The following ABTB2 variants were observed in gnomAD, a reference collection of about 807,000 sequenced individuals.
ABTB2 encodes ankyrin repeat and BTB domain containing 2.
Under a neutral mutation model 104.1 loss-of-function variants are expected in ABTB2, and 56 were observed. The ratio of observed to expected loss-of-function variants is 0.54; its 90% CI spans 0.43 to 0.67. The LOEUF is 0.67. ABTB2 is among the 30% of genes least tolerant of loss of function. ABTB2 has a pLI of 0.00. For missense variants in ABTB2, 1,279 were observed against 1,407.7 expected (o/e 0.91, Z 1.46); for synonymous variants, 606 against 608.2 (o/e 1.00, Z 0.05).
intron 1 of ABTB2, among the ~76,000 whole-genome samples, chr11:34,346,081 G>A (rs1055374808): frequency 4.6e-5 from 7 of 152,038 alleles, no homozygotes; most frequent in South Asian, 2.1e-4. Context: ...TCCATGTCTC[G>A]GCCTTCAGCA....
intron 1 of ABTB2, among the ~76,000 whole-genome samples, chr11:34,313,949 G>C (rs1854891598): frequency 6.6e-6 from 1 of 152,170 alleles, no homozygotes; most frequent in Admixed American, 6.5e-5. Flanking sequence ...TTCAAGGTGG[G>C]GCAGGTTGGA....
intron 4 of ABTB2, among the ~76,000 whole-genome samples, chr11:34,172,876 A>G (rs1249948350): frequency 1.3e-5 from 2 of 152,232 alleles, no homozygotes; most frequent in African/African-American, 4.8e-5. Context: ...CCAAAGAGTT[A>G]GATGTGTGGG....
At chr11:34,182,336 T>A (rs578157947) in intron 3 of ABTB2, among the ~76,000 whole-genome samples, 60 of 152,296 alleles carry the variant, frequency 3.9e-4, no homozygotes, top group Non-Finnish European at 5.9e-4. Flanking sequence ...ACCAGAATGG[T>A]TTGGCATGGC....
chr11:34,327,213 G>C (rs1855079696), intron 1 of ABTB2, among the ~76,000 whole-genome samples: 1 of 152,222 alleles, frequency 6.6e-6, no homozygotes, highest in African/African-American at 2.4e-5. Flanking sequence ...TAAATGTATG[G>C]AAAAACATTA....
At position 34,186,265 on chromosome 11, in the gene ABTB2, G is replaced by C. The variant is rs1447564018; in HGVS notation, c.1244+11060C>G. 2.6e-5 allele frequency among the ~76,000 whole-genome samples: 4 copies of C among 152,232 alleles called. No homozygotes were observed. The East Asian group carries it at 5.8e-4, about 22-fold the overall frequency. On this transcript the variant is annotated intron_variant, in intron 3 of 16. Coordinates refer to ENST00000435224, the MANE Select transcript of ABTB2 (RefSeq NM_145804.3). Reference sequence around the variant, plus strand: ...CCACAAATATTAAAGCAGTCAAAGCGGGGAGGGGCAAGTCACAGACAGCTG... The same window carrying C: ...CCACAAATATTAAAGCAGTCAAAGCCGGGAGGGGCAAGTCACAGACAGCTG...
At chr11:34,221,799 G>A (rs1395826514) in intron 1 of ABTB2, among the ~76,000 whole-genome samples, 1 of 152,236 alleles carries the variant, frequency 6.6e-6, no homozygotes, top group Non-Finnish European at 1.5e-5. Flanking sequence ...AGCACTTTGG[G>A]AGGCCAAGGC....
At chr11:34,214,547 TTTTTTTTTTA>T (rs997154768) in intron 1 of ABTB2, among the ~76,000 whole-genome samples, 2 of 135,256 alleles carry the variant, frequency 1.5e-5, no homozygotes, top group African/African-American at 6.3e-5. Flanking sequence ...TTTTTTTTTT[TTTTTTTTTTA>T]AAGTCAGGTT....
chr11:34,262,832 C>T (rs190608195), intron 1 of ABTB2, among the ~76,000 whole-genome samples: 199 of 152,288 alleles, frequency 1.3e-3, no homozygotes, highest in Admixed American at 1.8e-3. Context: ...CACCTGCAAA[C>T]CCTCAGGTGC....
At chr11:34,158,897 G>A (rs1852669175) in intron 14 of ABTB2, among the ~76,000 whole-genome samples, 2 of 152,228 alleles carry the variant, frequency 1.3e-5, no homozygotes, top group South Asian at 2.1e-4. Context: ...CACCTGGGGA[G>A]CTTGTGAAGA....
intron 1 of ABTB2, among the ~76,000 whole-genome samples, chr11:34,345,583 C>T (rs1855321390): frequency 6.6e-6 from 1 of 151,110 alleles, no homozygotes; most frequent in African/African-American, 2.4e-5. Context: ...TGGTAGAAAA[C>T]ACTACTTAGA....
Position 34,314,614 on chromosome 11 carries a change from G to A in ABTB2, c.883+42087C>T, listed in dbSNP as rs566555596. Among the ~76,000 whole-genome samples, 503 of 152,250 alleles carry A rather than the reference G, an allele frequency of 3.3e-3. 1 individual carries two copies. Among genetic ancestry groups the A allele is most frequent in the Non-Finnish European group, 5.4e-3 (370 of 68,008 alleles). On this transcript the variant is annotated intron_variant, in intron 1 of 16. Transcript: ENST00000435224. ...TCTCTTTTGAGAGGAGGACACTGAG[G>A]CTAGGAGGTCAGTGTCCCCTCAGAC...
rs539230061 is a variant in ABTB2, at chr11:34,317,296, AG to A, written c.883+39404del. On this transcript the variant is annotated intron_variant, in intron 1 of 16. Transcript: ENST00000435224. ...TGTTCAGATCTCCATCACAATCATT[AG>A]TACAGTGTTTACAGGCTTTCTACCC... Among the ~76,000 whole-genome samples, 123 of 152,284 alleles carry A rather than the reference AG, an allele frequency of 8.1e-4. 1 individual carries two copies. Among genetic ancestry groups the A allele is most frequent in the Admixed American group, 6.6e-3 (101 of 15,288 alleles).
Position 34,197,475 on chromosome 11 carries a change from C to A in ABTB2, c.1094G>T (p.Ser365Ile). The A allele has an allele frequency of 6.3e-7, 1 of 1,585,598 alleles. No individual in the cohort carries two copies. Among genetic ancestry groups the A allele is most frequent in the Non-Finnish European group, 8.6e-7 (1 of 1,167,034 alleles). ...QGRHPLCPGA[S>I]PARQARQPPQ... ...CGGCTGGCGGGCCTGGCGGGCAGGG[C>A]TGGCACCCGGGCACAGGGGGTGACG... The change falls in exon 3 of 17, where the codon AGC becomes ATC. Residue 365 changes from serine to isoleucine, a missense_variant. Transcript: ENST00000435224.
chr11:34,162,501 G>T, intron 10 of ABTB2, 75 bp downstream of exon 10: 1 of 1,492,826 alleles, frequency 6.7e-7, no homozygotes, highest in Non-Finnish European at 9.1e-7. Flanking sequence ...CAGGCCTGCT[G>T]AAGAGCAGCA....
chr11:34,356,773 T>C lies in ABTB2; in HGVS notation c.811A>G (p.Ile271Val), dbSNP rs781436911. ...EVSAEALEMV[I>V]NNDAELWGVL... Reference sequence around the variant, plus strand: ...CCCCAGAGCTCGGCGTCGTTGTTGATGACCATCTCCAGGGCCTCAGCAGAC... The same window carrying C: ...CCCCAGAGCTCGGCGTCGTTGTTGACGACCATCTCCAGGGCCTCAGCAGAC... The change falls in exon 1 of 17, where the codon ATC becomes GTC. Residue 271 changes from isoleucine to valine, a missense_variant. Coordinates refer to ENST00000435224, the MANE Select transcript of ABTB2 (RefSeq NM_145804.3). This position sits in a 1 kb window ranked among gnomAD's most constrained non-coding sequence, Gnocchi z 4.6. The C allele has an allele frequency of 1.2e-6, 2 of 1,611,582 alleles. No individual in the cohort carries two copies. The highest frequency in any genetic ancestry group is 4.5e-5 in the East Asian group (2 of 44,840).
At chr11:34,165,569 C>T (rs951651885) in intron 7 of ABTB2, among the ~76,000 whole-genome samples, 2 of 152,246 alleles carry the variant, frequency 1.3e-5, no homozygotes, top group African/African-American at 4.8e-5. Flanking sequence ...TATTGTGGTC[C>T]AAGACCAAGC....
At chr11:34,265,241 G>A (rs1246078911) in intron 1 of ABTB2, among the ~76,000 whole-genome samples, 1 of 152,208 alleles carries the variant, frequency 6.6e-6, no homozygotes, top group African/African-American at 2.4e-5. Flanking sequence ...CCTAGCTGGG[G>A]GAGAGGATGG....
At position 34,297,790 on chromosome 11, in the gene ABTB2, AT is replaced by A. The variant is rs1590246100; in HGVS notation, c.883+58910del. On this transcript the variant is annotated intron_variant, in intron 1 of 16. Coordinates refer to ENST00000435224, the MANE Select transcript of ABTB2 (RefSeq NM_145804.3). Reference sequence around the variant, plus strand: ...TCAAAAAAAAAAAAAAAAAATAAAAATAAAGGAAAGAAAAAGAAAAAAACAA... The same window carrying A: ...TCAAAAAAAAAAAAAAAAAATAAAAAAAAGGAAAGAAAAAGAAAAAAACAA... Among the ~76,000 whole-genome samples the A allele has an allele frequency of 2.1e-3, 236 of 112,774 alleles. 24 individuals carry two copies. The highest frequency in any genetic ancestry group is 4.2e-3 in the African/African-American group (104 of 24,484). The allele number at this position is 112,774 out of a possible 152,430, so 74.0% of individuals were successfully genotyped here. A position where few individuals can be genotyped will look rare whatever the true frequency, so the allele number is the denominator to read the frequency against.
In ABTB2 at chr11:34,154,546, G is replaced by A. The variant is rs536279617; in HGVS notation, c.2766+155C>T. On this transcript the variant is annotated intron_variant, in intron 15 of 16. Transcript: ENST00000435224. This position sits in a 1 kb window ranked among gnomAD's most constrained non-coding sequence, Gnocchi z 4.9. ...CCATCCCCGCTGGGACACGCACTGA[G>A]GCTGGGCTCAGTGGTGTGCACAGTT... is the stretch of plus-strand genomic sequence containing the variant. 9.0e-4 allele frequency among the ~76,000 whole-genome samples: 137 copies of A among 152,312 alleles called. No individual in the cohort carries two copies. Among genetic ancestry groups the A allele is most frequent in the African/African-American group, 3.2e-3 (135 of 41,578 alleles).
Sources: allele counts gnomAD v4.1 joint callset (sites outside exome capture counted in the v4.1 genomes callset), GRCh38; gene constraint gnomAD v4.1.1; non-coding constraint Gnocchi (gnomAD v3.1); transcripts MANE v1.5; gene names NCBI Gene and HGNC (gene_info 2026-07-23, HGNC 2026-07-21).